SCHIP1: variants seen among roughly 807,000 people sequenced by gnomAD.
The protein encoded by SCHIP1 is schwannomin-interacting protein 1.
Under a neutral mutation model 29.7 loss-of-function variants are expected in SCHIP1, and 8 were observed. That is an observed-to-expected ratio of 0.27 (90% CI 0.16 to 0.49). SCHIP1 has a LOEUF of 0.49. SCHIP1 is among the 20% of genes least tolerant of loss of function. The probability of loss-of-function intolerance (pLI) is 0.99; values close to 1 mark genes in which losing one functional copy is unlikely to be tolerated. For missense variants in SCHIP1, 193 were observed against 294.6 expected (o/e 0.66, Z 2.52); for synonymous variants, 76 against 94.9 (o/e 0.80, Z 1.16).
chr3:159,842,851 T>C (rs181058233), intron 1 of SCHIP1, among the ~76,000 whole-genome samples: 140 of 152,090 alleles, frequency 9.2e-4, no homozygotes, highest in Non-Finnish European at 1.7e-3. Context: ...TTACATCTTA[T>C]AGATATTTAC....
the SCHIP1 span, among the ~76,000 whole-genome samples, chr3:159,586,496 CT>C: frequency 1.2e-4 from 19 of 152,176 alleles, no homozygotes; most frequent in African/African-American, 4.6e-4. Flanking sequence ...TAACCCTATT[CT>C]TTCCTCCTGC....
the SCHIP1 span, among the ~76,000 whole-genome samples, chr3:159,527,989 T>C: frequency 6.6e-6 from 1 of 152,226 alleles, no homozygotes; most frequent in African/African-American, 2.4e-5. Context: ...AAAATAATTG[T>C]TCATCCAAAA....
the SCHIP1 span, among the ~76,000 whole-genome samples, chr3:159,423,638 C>CAACGCACAGAT: frequency 6.6e-6 from 1 of 152,126 alleles, no homozygotes; most frequent in Admixed American, 6.5e-5. Context: ...AGCGCACAGA[C>CAACGCACAGAT]AAACAAAAAG....
the SCHIP1 span, among the ~76,000 whole-genome samples, chr3:159,776,811 T>G: frequency 3.3e-5 from 5 of 152,158 alleles, no homozygotes; most frequent in African/African-American, 7.2e-5. Context: ...AAAGTTCTCT[T>G]TTTTTAGTAA....
At position 159,887,396 on chromosome 3, in the gene SCHIP1, C is replaced by T. The variant is rs560424275; in HGVS notation, c.268-312C>T. On this transcript the variant is annotated intron_variant, in intron 3 of 6. Coordinates refer to ENST00000445224, the Ensembl canonical transcript of SCHIP1. Reference sequence around the variant, plus strand: ...AAGAACCTACGTAGGGCCTTGGCTTCGAGTCAATATTTTGTTATGTCTGTT... The same window carrying T: ...AAGAACCTACGTAGGGCCTTGGCTTTGAGTCAATATTTTGTTATGTCTGTT... 8.8e-5 allele frequency: 26 copies of T among 294,382 alleles called. No individual in the cohort carries two copies. The Admixed American group carries it at 9.3e-4, about 11-fold the overall frequency. The allele number at this position is 294,382 out of a possible 1,614,324, so 18.2% of individuals were successfully genotyped here.
the SCHIP1 span, among the ~76,000 whole-genome samples, chr3:159,712,063 C>A: frequency 3.9e-5 from 6 of 152,148 alleles, no homozygotes; most frequent in Non-Finnish European, 8.8e-5. Flanking sequence ...CACCTTTTGA[C>A]CCTTACAAAG....
chr3:159,556,908 GAAGTAT>G, the SCHIP1 span, among the ~76,000 whole-genome samples: 1 of 149,048 alleles, frequency 6.7e-6, no homozygotes, highest in South Asian at 2.1e-4. Context: ...CCTAAAACTT[GAAGTAT>G]AATAATAATA....
chr3:159,334,273 T>G, the SCHIP1 span, among the ~76,000 whole-genome samples: 1 of 152,156 alleles, frequency 6.6e-6, no homozygotes, highest in Admixed American at 6.5e-5. Context: ...GCATGTCAAC[T>G]CATGACACAA....
At chr3:159,431,645 C>T in the SCHIP1 span, among the ~76,000 whole-genome samples, 6 of 151,824 alleles carry the variant, frequency 4.0e-5, no homozygotes, top group African/African-American at 1.2e-4. Flanking sequence ...CCCATCTCTA[C>T]CAAAAATATA....
At chr3:159,542,512 C>G in the SCHIP1 span, among the ~76,000 whole-genome samples, 3 of 152,038 alleles carry the variant, frequency 2.0e-5, no homozygotes, top group African/African-American at 7.2e-5. Context: ...CATAATCACT[C>G]AGAGATTCAC....
the SCHIP1 span, among the ~76,000 whole-genome samples, chr3:159,734,333 G>A: frequency 2.6e-5 from 4 of 151,178 alleles, no homozygotes; most frequent in African/African-American, 7.3e-5. Flanking sequence ...AGTAGAGACG[G>A]GGTTTTACCA....
the SCHIP1 span, among the ~76,000 whole-genome samples, chr3:159,488,726 G>A: frequency 5.3e-5 from 8 of 152,140 alleles, no homozygotes; most frequent in South Asian, 4.1e-4. Context: ...GCCCCTTGGC[G>A]CCATCAAAGT....
the SCHIP1 span, among the ~76,000 whole-genome samples, chr3:159,549,635 C>T: frequency 2.0e-5 from 3 of 152,184 alleles, no homozygotes; most frequent in Non-Finnish European, 2.9e-5. Context: ...CACTTTGACA[C>T]TGGACTTCCA....
the SCHIP1 span, among the ~76,000 whole-genome samples, chr3:159,595,729 A>T: frequency 6.6e-6 from 1 of 152,216 alleles, no homozygotes; most frequent in Admixed American, 6.6e-5. Context: ...AGGAATATTT[A>T]TGAGTACTTT....
chr3:159,621,010 C>A, the SCHIP1 span, among the ~76,000 whole-genome samples: 2 of 152,152 alleles, frequency 1.3e-5, no homozygotes, highest in Non-Finnish European at 2.9e-5. Context: ...TTTCAACATG[C>A]CTTTTATAAG....
chr3:159,839,229 G>T (rs1056568222), upstream of SCHIP1, among the ~76,000 whole-genome samples: 2 of 151,758 alleles, frequency 1.3e-5, no homozygotes, highest in African/African-American at 4.8e-5. Context: ...GCTGCATTGG[G>T]GGGTGTCCAT....
At chr3:159,494,848 A>G in the SCHIP1 span, among the ~76,000 whole-genome samples, 1 of 152,226 alleles carries the variant, frequency 6.6e-6, no homozygotes, top group Non-Finnish European at 1.5e-5. Context: ...ATTGATGCAA[A>G]AATCCTCAAT....
the SCHIP1 span, among the ~76,000 whole-genome samples, chr3:159,666,141 G>A: frequency 6.6e-6 from 1 of 152,168 alleles, no homozygotes; most frequent in Admixed American, 6.5e-5. Flanking sequence ...ATGAAAAGCA[G>A]AGTGGTATGA....
chr3:159,328,010 C>A, the SCHIP1 span, among the ~76,000 whole-genome samples: 20 of 152,290 alleles, frequency 1.3e-4, 1 homozygote, highest in Middle Eastern at 6.8e-3. Flanking sequence ...TAAATGAGTT[C>A]TGTCCAATTC....
Sources: allele counts gnomAD v4.1 joint callset (sites outside exome capture counted in the v4.1 genomes callset), GRCh38; gene constraint gnomAD v4.1.1; transcripts MANE v1.5; gene names NCBI Gene and HGNC (gene_info 2026-07-23, HGNC 2026-07-21).